The following WNT8A variants were observed in gnomAD, a reference collection of about 807,000 sequenced individuals.
WNT8A encodes protein Wnt-8a.
Under a neutral mutation model 20.5 loss-of-function variants are expected in WNT8A, and 14 were observed. That is an observed-to-expected ratio of 0.68 (90% CI 0.45 to 1.07). The LOEUF (loss-of-function observed/expected upper bound fraction) is 1.07, where lower values mean the gene tolerates loss of function less well. WNT8A is among the 50% of genes least tolerant of loss of function. The pLI, the probability that WNT8A is intolerant of heterozygous loss-of-function variation, is 0.00. For missense variants in WNT8A, 397 were observed against 462.9 expected, an observed-to-expected ratio of 0.86 and a Z score of 1.31; for synonymous variants, 167 against 169.2, an observed-to-expected ratio of 0.99 and a Z score of 0.10.
chr5:138,088,866 G>T, intron 3 of WNT8A, 61 bp from the exon 4 acceptor site: 1 of 1,582,902 alleles, frequency 6.3e-7, no homozygotes, highest in Non-Finnish European at 8.6e-7. Flanking sequence ...GGGGTGGTTT[G>T]GCGGGTGACT....
chr5:138,092,040 A>C (rs1750873660), downstream of WNT8A: 1 of 152,106 alleles, frequency 6.6e-6, no homozygotes, highest in African/African-American at 2.4e-5. Flanking sequence ...ACAAGGTCCC[A>C]CAAGAGCGAT....
intron 2 of WNT8A, among the ~76,000 whole-genome samples, chr5:138,087,409 C>T (rs1750700688): frequency 6.6e-6 from 1 of 151,696 alleles, no homozygotes; most frequent in Non-Finnish European, 1.5e-5. Context: ...AATCCCAGCA[C>T]TTTGGGAGGC....
intron 2 of WNT8A, among the ~76,000 whole-genome samples, chr5:138,086,286 T>G (rs1388813049): frequency 7.2e-5 from 11 of 152,136 alleles, no homozygotes; most frequent in Admixed American, 7.2e-4. Context: ...GGCGCGATCT[T>G]GGCTCAATGC....
chr5:138,090,755 G>A lies in WNT8A; in HGVS notation c.792G>A (p.Glu264=), dbSNP rs958998870. The A allele has an allele frequency of 9.9e-6, 16 of 1,614,106 alleles. No homozygotes were observed. In the South Asian group the frequency reaches 1.6e-4, roughly 17 times the overall value. The change falls in exon 5 of 5, where the codon GAG becomes GAA. Residue 264 remains glutamate (E), a synonymous_variant. Transcript: ENST00000506684. The stretch of plus-strand genomic sequence containing the variant: ...CTGAGGCCTTCCTTCCTAGCGCAGA[G>A]GCGGAACTGATCTTTTTAGAGGAAT... ...VPAEAFLPSA[E]AELIFLEESP... is the part of the protein sequence containing the mutation.
In WNT8A at chr5:138,091,269, TG is replaced by T; in HGVS notation, c.*199del. On this transcript the variant is annotated 3_prime_UTR_variant, in exon 5 of 5. Coordinates refer to ENST00000506684, the MANE Select transcript of WNT8A (RefSeq NM_001300939.2). ...TCCTGGCGGGGCTGAAATTGGAACC[TG>T]GGCCTCCTGACTTTGGCAGACCCCC... The T allele has an allele frequency of 1.3e-6, 2 of 1,570,000 alleles. No individual in the cohort carries two copies. The highest frequency in any genetic ancestry group is 1.7e-6 in the Non-Finnish European group (2 of 1,164,692).
Position 138,090,741 on chromosome 5 carries a change from C to G in WNT8A, c.778C>G (p.Leu260Val), listed in dbSNP as rs771115718. The G allele has an allele frequency of 4.3e-6, 7 of 1,614,106 alleles. No individual in the cohort carries two copies. The African/African-American group carries it at 6.7e-5, about 15-fold the overall frequency. ...EGHWVPAEAF[L>V]PSAEAELIFL... ...CCACTGGGTGCCCGCTGAGGCCTTC[C>G]TTCCTAGCGCAGAGGCGGAACTGAT... Residue 260 changes from leucine to valine, a missense_variant, in exon 5 of 5, where the codon CTT (leucine) becomes GTT (valine). Coordinates refer to ENST00000506684, the MANE Select transcript of WNT8A (RefSeq NM_001300939.2).
At chr5:138,091,874 A>AATAAATAT (rs1750868637), downstream of WNT8A, among the ~76,000 whole-genome samples, 1 of 52,394 alleles carries the variant, frequency 1.9e-5, no homozygotes, top group Non-Finnish European at 4.9e-5. Flanking sequence ...TAAATAAATA[A>AATAAATAT]ATAATAAAGA....
At chr5:138,080,277 T>C (rs1750467475), upstream of WNT8A, among the ~76,000 whole-genome samples, 1 of 150,236 alleles carries the variant, frequency 6.7e-6, no homozygotes, top group Admixed American at 6.6e-5. Flanking sequence ...TGAGCTGAGA[T>C]TGCACCACTG....
chr5:138,080,833 A>C (rs1750493188), upstream of WNT8A, among the ~76,000 whole-genome samples: 1 of 152,134 alleles, frequency 6.6e-6, no homozygotes, highest in African/African-American at 2.4e-5. Flanking sequence ...TTTGGAGATG[A>C]AGAATCTAAG....
chr5:138,077,368 T>C, the WNT8A span, among the ~76,000 whole-genome samples: 234 of 152,320 alleles, frequency 1.5e-3, 1 homozygote, highest in African/African-American at 5.5e-3. Context: ...CAACGTTCCT[T>C]ATTTCACTGT....
upstream of WNT8A, among the ~76,000 whole-genome samples, chr5:138,080,360 A>G (rs1462552976): frequency 6.7e-6 from 1 of 149,060 alleles, no homozygotes; most frequent in African/African-American, 2.4e-5. Context: ...CAAACAAAAA[A>G]AGATAATTCC....
At chr5:138,080,822 T>C (rs1412816713), upstream of WNT8A, among the ~76,000 whole-genome samples, 1 of 152,118 alleles carries the variant, frequency 6.6e-6, no homozygotes, top group Non-Finnish European at 1.5e-5. Context: ...CACTCCCTCA[T>C]TTTGGAGATG....
chr5:138,090,812 G>A lies in WNT8A; in HGVS notation c.849G>A (p.Leu283=). The A allele has an allele frequency of 6.2e-7, 1 of 1,614,208 alleles. No homozygotes were observed. The highest frequency in any genetic ancestry group is 8.5e-7 in the Non-Finnish European group (1 of 1,180,032). Residue 283 remains leucine, a synonymous_variant, in exon 5 of 5, where the codon CTG becomes CTA. Transcript: ENST00000506684. ...SPDYCTCNSS[L]GIYGTEGREC... Reference sequence around the variant, plus strand: ...ATTACTGTACCTGCAATTCCAGCCTGGGCATCTATGGCACAGAGGGTCGTG... The same window carrying A: ...ATTACTGTACCTGCAATTCCAGCCTAGGCATCTATGGCACAGAGGGTCGTG...
chr5:138,080,444 GT>G (rs371833243), upstream of WNT8A, among the ~76,000 whole-genome samples: 161 of 55,980 alleles, frequency 2.9e-3, 1 homozygote, highest in African/African-American at 1.0e-2. Flanking sequence ...TGTAAATCTT[GT>G]TTTTTTTTTT....
At chr5:138,088,898 C>A (rs763331781) in intron 3 of WNT8A, 29 bp from the exon 4 acceptor site, 1 of 1,610,288 alleles carries the variant, frequency 6.2e-7, no homozygotes, top group Non-Finnish European at 8.5e-7. Context: ...TGGAGCTACA[C>A]GGAGAACTTA....
chr5:138,090,670 T>G lies in WNT8A; in HGVS notation c.707T>G (p.Ile236Ser). 1 of 1,614,078 alleles carries G rather than the reference T, an allele frequency of 6.2e-7. No homozygotes were observed. The highest frequency in any genetic ancestry group is 8.5e-7 in the Non-Finnish European group (1 of 1,180,008). ...GCCAAGTATGACCAGGCGCTGAAAA[T>G]TGAAATGGATAAGCGGCAGCTGAGA... ...LKAKYDQALK[I>S]EMDKRQLRAG... The change falls in exon 5 of 5, where the codon ATT (isoleucine) becomes AGT (serine). Residue 236 changes from isoleucine to serine, a missense_variant. Physicochemically the swap from Ile to Ser is moderately radical, Grantham distance 142 (BLOSUM62 -2). Coordinates refer to ENST00000506684, the MANE Select transcript of WNT8A (RefSeq NM_001300939.2).
In WNT8A at chr5:138,088,949, A is replaced by G. The variant is rs374468178; in HGVS notation, c.444A>G (p.Gly148=). Residue 148 remains glycine, a synonymous_variant, in exon 4 of 5, where the codon GGA becomes GGG. Transcript: ENST00000506684. The part of the protein sequence containing the change: ...GKTGGHGWIW[G]GCSDNVEFGE... ...TAGGAGGCCATGGCTGGATCTGGGGAGGCTGCAGCGACAATGTGGAATTTG... is the reference window on the plus strand; with the variant it reads ...TAGGAGGCCATGGCTGGATCTGGGGGGGCTGCAGCGACAATGTGGAATTTG... 2.3e-5 allele frequency: 37 copies of G among 1,613,928 alleles called. No individual in the cohort carries two copies. In the African/African-American group the frequency reaches 3.7e-4, roughly 16 times the overall value.
chr5:138,086,042 G>T (rs1750651405), intron 2 of WNT8A, among the ~76,000 whole-genome samples: 2 of 151,988 alleles, frequency 1.3e-5, no homozygotes, highest in Admixed American at 1.3e-4. Context: ...CCAGTCAGAA[G>T]CAGCAAAGGT....
intron 3 of WNT8A, among the ~76,000 whole-genome samples, chr5:138,088,670 C>T (rs896500893): frequency 2.0e-5 from 3 of 152,068 alleles, no homozygotes; most frequent in African/African-American, 7.2e-5. Flanking sequence ...TGCAGTGAAC[C>T]TTTGAGAGCA....
Sources: allele counts gnomAD v4.1 joint callset (sites outside exome capture counted in the v4.1 genomes callset), GRCh38; gene constraint gnomAD v4.1.1; transcripts MANE v1.5; gene names NCBI Gene and HGNC (gene_info 2026-07-23, HGNC 2026-07-21).